The following MRPL43 variants were observed in gnomAD, a reference collection of about 807,000 sequenced individuals.
MRPL43 encodes large ribosomal subunit protein mL43.
Under a neutral mutation model 12.7 loss-of-function variants are expected in MRPL43, and 9 were observed. The observed-to-expected ratio is 0.71, with a 90% CI of 0.43 to 1.24. The LOEUF is 1.24. Ranked by LOEUF, MRPL43 falls within the 50% of genes most tolerant of loss-of-function variation. The pLI is 0.00. For synonymous variants in MRPL43, 116 were observed against 96.4 expected, an observed-to-expected ratio of 1.20 and a Z score of -1.19; for missense variants, 211 against 229.2, an observed-to-expected ratio of 0.92 and a Z score of 0.51.
downstream of MRPL43, chr10:100,983,189 C>G: frequency 8.0e-7 from 1 of 1,251,300 alleles, no homozygotes; most frequent in Non-Finnish European, 1.1e-6. Flanking sequence ...TCAGCTGTCA[C>G]TGTGATTCTG....
chr10:100,986,196 T>G, downstream of MRPL43: 1 of 791,450 alleles, frequency 1.3e-6, no homozygotes, highest in Non-Finnish European at 1.7e-6. Context: ...TTGTTATATG[T>G]TCTGCGTCTA....
At chr10:100,978,142 CA>C, downstream of MRPL43, 1 of 616,744 alleles carries the variant, frequency 1.6e-6, no homozygotes, top group East Asian at 2.8e-5. Flanking sequence ...AGGTCATTCT[CA>C]GGGGATGCTT....
At chr10:100,983,217 C>T (rs1394125485), downstream of MRPL43, 1 of 1,398,892 alleles carries the variant, frequency 7.1e-7, no homozygotes, top group African/African-American at 1.5e-5. Flanking sequence ...TGCTTGGTGC[C>T]AGGGACTTGG....
chr10:100,978,723 C>G (rs1401025142), downstream of MRPL43: 2 of 1,547,830 alleles, frequency 1.3e-6, no homozygotes, highest in African/African-American at 1.4e-5. Flanking sequence ...ACCACCCCAC[C>G]CCCAAATCCC....
At chr10:100,980,393 C>A (rs1851006068), downstream of MRPL43, 2 of 1,541,890 alleles carry the variant, frequency 1.3e-6, no homozygotes, top group Non-Finnish European at 9.0e-7. Flanking sequence ...ATCACTAATG[C>A]TTCTGAATCC....
At chr10:100,983,258 C>T (rs367962210), downstream of MRPL43, 123 of 1,470,476 alleles carry the variant, frequency 8.4e-5, no homozygotes, top group East Asian at 8.2e-4. Flanking sequence ...CATCTCTAAT[C>T]CCTTCCTGGG....
At chr10:100,979,835 T>C, downstream of MRPL43, 10 of 1,612,640 alleles carry the variant, frequency 6.2e-6, no homozygotes, top group Non-Finnish European at 8.5e-6. Flanking sequence ...CCTTGCCCTA[T>C]GTCCCATTCT....
intron 2 of MRPL43, 29 bp from the exon 3 acceptor site, chr10:100,987,004 A>C (rs757316333): frequency 1.7e-5 from 27 of 1,605,042 alleles, no homozygotes; most frequent in Non-Finnish European, 2.2e-5. Flanking sequence ...GAGTGGGTGG[A>C]AGCTGGCCGG....
chr10:100,978,192 C>T (rs1209053746), downstream of MRPL43: 1 of 759,176 alleles, frequency 1.3e-6, no homozygotes, highest in Non-Finnish European at 2.2e-6. Flanking sequence ...TACAACCTGC[C>T]CCTATCCCTG....
At chr10:100,984,204 A>T, downstream of MRPL43, 1 of 1,521,940 alleles carries the variant, frequency 6.6e-7, no homozygotes, top group South Asian at 1.3e-5. Context: ...CCTCCCTAAC[A>T]CAGCCACCCT....
chr10:100,980,464 C>A, downstream of MRPL43: 1 of 1,344,526 alleles, frequency 7.4e-7, no homozygotes, highest in Non-Finnish European at 1.1e-6. Context: ...CTGCTCCTGG[C>A]TGAGTCCTTG....
At chr10:100,978,766 T>C, downstream of MRPL43, 1 of 1,572,582 alleles carries the variant, frequency 6.4e-7, no homozygotes, top group Non-Finnish European at 8.7e-7. Flanking sequence ...TCCTGTGTGT[T>C]GTCAAGTGAG....
chr10:100,984,959 G>T (rs941859324), downstream of MRPL43: 60 of 1,412,014 alleles, frequency 4.2e-5, no homozygotes, highest in Non-Finnish European at 5.6e-5. Flanking sequence ...TATCACACAT[G>T]TGCTTACATT....
At chr10:100,980,791 C>T (rs1379309366), downstream of MRPL43, 2 of 1,556,096 alleles carry the variant, frequency 1.3e-6, no homozygotes, top group Non-Finnish European at 1.7e-6. Flanking sequence ...AGTGGGGACG[C>T]TGCCGACCAA....
Position 100,987,098 on chromosome 10 carries a change from G to A in MRPL43, c.230C>T (p.Ala77Val). ...AGCCCGGCCCCACTCACGGTATTCG[G>A]CCACTACTCTGGGCACGCAGCACGG... ...SRPCCVPRVV[A>V]EYLNGAVREE... is the part of the protein sequence containing the mutation. Residue 77 changes from alanine to valine, a missense_variant, in exon 2 of 3, where the codon GCC (alanine) becomes GTC (valine). Transcript: ENST00000318364. The A allele has an allele frequency of 6.2e-7, 1 of 1,613,510 alleles. No homozygotes were observed. The highest frequency in any genetic ancestry group is 8.5e-7 in the Non-Finnish European group (1 of 1,180,024).
downstream of MRPL43, chr10:100,978,463 T>C: frequency 5.6e-6 from 9 of 1,594,486 alleles, no homozygotes; most frequent in Admixed American, 1.7e-5. Flanking sequence ...CCTGCCACCA[T>C]GTATATGTCA....
chr10:100,986,248 C>T (rs62626266), downstream of MRPL43: 234 of 1,259,818 alleles, frequency 1.9e-4, 1 homozygote, highest in African/African-American at 3.4e-3. Flanking sequence ...TTAACATATG[C>T]ACACATTTTG....
chr10:100,979,710 C>T, downstream of MRPL43: 1 of 970,368 alleles, frequency 1.0e-6, no homozygotes, highest in Non-Finnish European at 1.6e-6. Context: ...ATGCAGTGGT[C>T]CACTGACTCA....
At chr10:100,979,578 T>C (rs2133881084), downstream of MRPL43, among the ~76,000 whole-genome samples, 1 of 152,192 alleles carries the variant, frequency 6.6e-6, no homozygotes, top group South Asian at 2.1e-4. Context: ...AGATGGGGTT[T>C]CACTGTGTTG....
Sources: allele counts gnomAD v4.1 joint callset (sites outside exome capture counted in the v4.1 genomes callset), GRCh38; gene constraint gnomAD v4.1.1; transcripts MANE v1.5; gene names NCBI Gene and HGNC (gene_info 2026-07-23, HGNC 2026-07-21).